PCDHA5: variants seen among roughly 807,000 people sequenced by gnomAD.
PCDHA5 encodes the protein protocadherin alpha 5.
In PCDHA5, 43 loss-of-function variants were observed where a neutral mutation model predicts 61.6. The observed-to-expected ratio is 0.70, with a 90% CI of 0.55 to 0.90. PCDHA5 has a LOEUF of 0.90. Ranked by LOEUF, PCDHA5 falls within the 40% of genes least tolerant of loss-of-function variation. The pLI is 0.00. For synonymous variants in PCDHA5, 627 were observed against 543.9 expected (o/e 1.15, Z -2.13); for missense variants, 1,298 against 1,222.7 (o/e 1.06, Z -0.92).
In PCDHA5 at chr5:140,851,131, G is replaced by T. The variant is rs2041968794; in HGVS notation, c.2352+27004G>T. The T allele has an allele frequency of 4.6e-6, 6 of 1,310,148 alleles. No individual in the cohort carries two copies. In the East Asian group the frequency reaches 1.6e-4, roughly 35 times the overall value. The allele number at this position is 1,310,148 out of a possible 1,614,324, so 81.2% of individuals were successfully genotyped here. ...CTGAATCAATTTTATTTAAATTTGT[G>T]ATTAAAGTGACATTGAATTTCTGAT... On this transcript the variant is annotated intron_variant, in intron 1 of 3. Coordinates refer to ENST00000529859, the MANE Select transcript of PCDHA5 (RefSeq NM_018908.3).
chr5:140,879,532 C>T (rs1189647724), intron 1 of PCDHA5, among the ~76,000 whole-genome samples: 1 of 152,146 alleles, frequency 6.6e-6, no homozygotes, highest in Admixed American at 6.5e-5. Context: ...TTGGGAACAA[C>T]TCCTTTAGAG....
At chr5:140,849,010 T>C in intron 1 of PCDHA5, 1 of 1,591,032 alleles carries the variant, frequency 6.3e-7, no homozygotes, top group Non-Finnish European at 8.6e-7. Context: ...ACTTACAGAC[T>C]GAGCCCCAAT....
chr5:140,866,283 G>A (rs1554160187), intron 1 of PCDHA5: 1 of 152,094 alleles, frequency 6.6e-6, no homozygotes, highest in Non-Finnish European at 1.5e-5. Context: ...GACAGTGTTT[G>A]GGACAAGTAT....
chr5:140,896,750 A>G (rs781993760), intron 1 of PCDHA5, among the ~76,000 whole-genome samples: 3 of 152,114 alleles, frequency 2.0e-5, no homozygotes, highest in Non-Finnish European at 4.4e-5. Flanking sequence ...GATTCTGGAT[A>G]TTAGACCTTT....
intron 1 of PCDHA5, chr5:140,829,711 G>T (rs2150173108): frequency 1.9e-6 from 3 of 1,613,460 alleles, no homozygotes; most frequent in Non-Finnish European, 1.7e-6. Flanking sequence ...CGCGCGACGC[G>T]GGCGTGCCGC....
chr5:140,920,029 T>G (rs1584162393), intron 1 of PCDHA5, among the ~76,000 whole-genome samples: 1 of 152,118 alleles, frequency 6.6e-6, no homozygotes, highest in African/African-American at 2.4e-5. Flanking sequence ...GAGACAGAGA[T>G]TGGAGTGATG....
intron 1 of PCDHA5, among the ~76,000 whole-genome samples, chr5:140,943,674 A>G (rs1401531217): frequency 6.6e-6 from 1 of 152,240 alleles, no homozygotes; most frequent in Non-Finnish European, 1.5e-5. Context: ...TAAAGTGTGA[A>G]AAAAAGGGAT....
chr5:140,929,070 G>A lies in PCDHA5; in HGVS notation c.2353-49879G>A, dbSNP rs2085795989. 2.5e-6 allele frequency: 4 copies of A among 1,614,200 alleles called. No homozygotes were observed. The African/African-American group carries it at 5.3e-5, about 22-fold the overall frequency. ...GCTGTCGCTCTACAGAGGATCTGAG[G>A]TATGGAAGTAAGATGGTTTCAAATC... On this transcript the variant is annotated intron_variant, in intron 1 of 3. Coordinates refer to ENST00000529859, the MANE Select transcript of PCDHA5 (RefSeq NM_018908.3).
chr5:140,895,733 G>C (rs1554186620), intron 1 of PCDHA5, among the ~76,000 whole-genome samples: 1 of 152,030 alleles, frequency 6.6e-6, no homozygotes, highest in Non-Finnish European at 1.5e-5. Context: ...CCATTCAATG[G>C]GCTGCAAAGG....
rs1041971288 is a variant in PCDHA5, at chr5:140,912,300, A to G, written c.2353-66649A>G. ...CCAGGAACAATACTTTGCCTCCTGT[A>G]ATCCAGTCAAGTTGACCCTCAGTAT... On this transcript the variant is annotated intron_variant, in intron 1 of 3. Coordinates refer to ENST00000529859, the MANE Select transcript of PCDHA5 (RefSeq NM_018908.3). Among the ~76,000 whole-genome samples, 5 of 152,070 alleles carry G rather than the reference A, an allele frequency of 3.3e-5. No homozygotes were observed. The East Asian group carries it at 9.7e-4, about 29-fold the overall frequency.
intron 1 of PCDHA5, among the ~76,000 whole-genome samples, chr5:140,901,060 AT>A (rs542927280): frequency 1.3e-5 from 2 of 151,130 alleles, no homozygotes; most frequent in East Asian, 3.9e-4. Flanking sequence ...AGATTATTAG[AT>A]TTTTTTTTCT....
At chr5:140,883,021 G>A in intron 1 of PCDHA5, 1 of 1,614,136 alleles carries the variant, frequency 6.2e-7, no homozygotes, top group Non-Finnish European at 8.5e-7. Flanking sequence ...AAGTGACGGT[G>A]TTAGAGAACG....
chr5:140,881,409 A>G (rs2153379419), intron 1 of PCDHA5: 1 of 950,550 alleles, frequency 1.1e-6, no homozygotes, highest in East Asian at 1.2e-4. Context: ...TTAAATCAAT[A>G]GGATATTAGT....
In PCDHA5 at chr5:140,975,255, C is replaced by A. The variant is rs530385456; in HGVS notation, c.2353-3694C>A. On this transcript the variant is annotated intron_variant, in intron 1 of 3. Transcript: ENST00000529859. ...ATGGAATCCCTCTTATGCTTCAGAT[C>A]TCTCTGATTTCTGTCTCTGACCTCT... Among the ~76,000 whole-genome samples, 6 of 152,334 alleles carry A rather than the reference C, an allele frequency of 3.9e-5. No individual in the cohort carries two copies. In the South Asian group the frequency reaches 1.2e-3, roughly 32 times the overall value.
chr5:140,920,180 T>C (rs1386784105), intron 1 of PCDHA5, among the ~76,000 whole-genome samples: 1 of 152,198 alleles, frequency 6.6e-6, no homozygotes, highest in Admixed American at 6.5e-5. Context: ...ACCCAGTGTG[T>C]AGTAATTTGT....
intron 1 of PCDHA5, among the ~76,000 whole-genome samples, chr5:140,955,475 C>T (rs246017): frequency 0.56 from 85,566 of 151,816 alleles, 24,719 homozygotes; most frequent in African/African-American, 0.69. Context: ...TGCTTGGCAC[C>T]TCTCCTTCCT....
At chr5:140,884,258 A>G (rs782780491) in intron 1 of PCDHA5, 1 of 1,613,390 alleles carries the variant, frequency 6.2e-7, no homozygotes, top group South Asian at 1.1e-5. Flanking sequence ...GGCCACGGCA[A>G]CGGTGCTGTT....
In PCDHA5 at chr5:140,822,628, C is replaced by T. The variant is rs1170983907; in HGVS notation, c.853C>T (p.Leu285Phe). The change falls in exon 1 of 4, where the codon CTT (leucine) becomes TTT (phenylalanine). Residue 285 changes from leucine to phenylalanine, a missense_variant. Leu to Phe is a conservative substitution (Grantham distance 22). Transcript: ENST00000529859. ...EIVYFFSNLV[L>F]DDVKSKFIIN... The stretch of plus-strand genomic sequence containing the variant: ...AGTGTATTTCTTTAGTAATCTTGTT[C>T]TTGACGATGTAAAGTCCAAATTTAT... 3.7e-6 allele frequency: 6 copies of T among 1,610,966 alleles called. No individual in the cohort carries two copies. Among genetic ancestry groups the T allele is most frequent in the African/African-American group, 1.3e-5 (1 of 74,788 alleles).
At chr5:140,836,696 C>T (rs140050284) in intron 1 of PCDHA5, 1 of 1,613,304 alleles carries the variant, frequency 6.2e-7, no homozygotes, top group African/African-American at 1.3e-5. Context: ...ACCTCATGGC[C>T]TTCAGTCCCA....
Sources: gnomAD v4.1 joint callset for allele counts (sites outside exome capture counted in the v4.1 genomes callset) on GRCh38, gnomAD v4.1.1 for gene constraint, MANE v1.5 for transcripts, NCBI Gene and HGNC (gene_info 2026-07-23, HGNC 2026-07-21) for gene names.